ZPBP: variants seen among roughly 807,000 people sequenced by gnomAD.
The protein encoded by ZPBP is zona pellucida binding protein, also known as zona pellucida-binding protein 1.
ZPBP carries 26 observed loss-of-function variants against 44.8 expected under a neutral mutation model. That is an observed-to-expected ratio of 0.58 (90% CI 0.43 to 0.81). ZPBP has a LOEUF of 0.81. Ranked by LOEUF, ZPBP falls within the 30% of genes least tolerant of loss-of-function variation. The probability of loss-of-function intolerance (pLI) is 0.00; values close to 1 mark genes in which losing one functional copy is unlikely to be tolerated. For synonymous variants in ZPBP, 174 were observed against 153.2 expected (o/e 1.14, Z -1.00); for missense variants, 409 against 434.0 (o/e 0.94, Z 0.51).
At chr7:49,893,684 T>C (rs187555567) in intron 2 of ZPBP, among the ~76,000 whole-genome samples, 33 of 151,406 alleles carry the variant, frequency 2.2e-4, no homozygotes, top group Non-Finnish European at 4.4e-5. Flanking sequence ...GAAACTAAAA[T>C]ATGTCAGGTA....
rs1482220949 is a variant in ZPBP at position 50,093,136 on chromosome 7, C to T, written c.59G>A (p.Gly20Asp). Residue 20 changes from glycine to aspartate, a missense_variant, in exon 1 of 8, where the codon GGC (glycine) becomes GAC (aspartate). By Grantham distance (94) the Gly-to-Asp change is moderately conservative (BLOSUM62 -1). Transcript: ENST00000046087. ...RRGRRRTRAA[G>D]SLLSRAAILL... is the part of the protein sequence containing the mutation. ...GATGGCGGCCCGAGAGAGCAGGGAG[C>T]CGGCGGCCCGGGTCCGCCGCCTGCC... 3.9e-6 allele frequency: 6 copies of T among 1,554,134 alleles called. No individual in the cohort carries two copies. Among genetic ancestry groups the T allele is most frequent in the African/African-American group, 1.4e-5 (1 of 72,416 alleles).
At chr7:50,017,858 G>A (rs780182617) in intron 6 of ZPBP, among the ~76,000 whole-genome samples, 3 of 151,978 alleles carry the variant, frequency 2.0e-5, no homozygotes, top group Admixed American at 1.3e-4. Context: ...ACAGGATGCC[G>A]GGTATGGAGC....
intron 7 of ZPBP, among the ~76,000 whole-genome samples, chr7:49,955,383 C>T (rs1023937416): frequency 1.4e-4 from 21 of 151,886 alleles, no homozygotes; most frequent in Non-Finnish European, 2.4e-4. Flanking sequence ...ACGATGAAAC[C>T]CCATCTCTAC....
At chr7:50,027,698 T>C (rs1181586854) in intron 5 of ZPBP, among the ~76,000 whole-genome samples, 1 of 151,706 alleles carries the variant, frequency 6.6e-6, no homozygotes, top group African/African-American at 2.4e-5. Context: ...GCAATAAAAT[T>C]GACAAACATT....
At chr7:49,942,743 C>G in intron 7 of ZPBP, 1 of 153,572 alleles carries the variant, frequency 6.5e-6, no homozygotes, top group Non-Finnish European at 1.5e-5. Context: ...AATAGAAAAG[C>G]TCTCAAGCTC....
intron 7 of ZPBP, among the ~76,000 whole-genome samples, chr7:49,981,436 TA>T (rs1796919903): frequency 4.0e-5 from 2 of 50,168 alleles, no homozygotes; most frequent in Admixed American, 6.9e-4. Context: ...AAAATATATA[TA>T]ATATATATTA....
chr7:49,874,454 C>A (rs1244227561), intron 2 of ZPBP, among the ~76,000 whole-genome samples: 1 of 151,664 alleles, frequency 6.6e-6, no homozygotes, highest in African/African-American at 2.4e-5. Flanking sequence ...TAGGTCTGTG[C>A]AAGTGCACCC....
downstream of ZPBP, among the ~76,000 whole-genome samples, chr7:49,934,053 T>TAA (rs11461329): frequency 0.032 from 4,597 of 142,854 alleles, 210 homozygotes; most frequent in African/African-American, 0.095. Flanking sequence ...AAAGTATAAT[T>TAA]AAAAAAAAAA....
intron 2 of ZPBP, among the ~76,000 whole-genome samples, chr7:49,872,127 A>G (rs989695527): frequency 3.9e-5 from 6 of 152,208 alleles, no homozygotes; most frequent in African/African-American, 1.4e-4. Flanking sequence ...TAACATATGG[A>G]AAGCAATTAA....
chr7:50,093,127 A>C lies in ZPBP; in HGVS notation c.68T>G (p.Leu23Arg), dbSNP rs559618813. 106 of 1,570,324 alleles carry C rather than the reference A, an allele frequency of 6.8e-5. No individual in the cohort carries two copies. In the East Asian group the frequency reaches 2.5e-3, roughly 37 times the overall value. The change falls in exon 1 of 8, where the codon CTC becomes CGC. Residue 23 changes from leucine to arginine, a missense_variant. This residue lies in a region of ZPBP where 367 missense variants were observed against 363.1 expected (regional missense o/e 1.01). Transcript: ENST00000046087. Reference sequence around the variant, plus strand: ...AAAGAGGAGGATGGCGGCCCGAGAGAGCAGGGAGCCGGCGGCCCGGGTCCG... The same window carrying C: ...AAAGAGGAGGATGGCGGCCCGAGAGCGCAGGGAGCCGGCGGCCCGGGTCCG... ...RRRTRAAGSL[L>R]SRAAILLFIS...
intron 3 of ZPBP, among the ~76,000 whole-genome samples, chr7:50,066,166 A>G (rs1350323106): frequency 6.6e-6 from 1 of 150,798 alleles, no homozygotes; most frequent in African/African-American, 2.5e-5. Flanking sequence ...TTTTAGGATT[A>G]TGAACATATG....
downstream of ZPBP, among the ~76,000 whole-genome samples, chr7:49,849,102 A>G (rs939769262): frequency 1.3e-5 from 2 of 152,038 alleles, no homozygotes; most frequent in African/African-American, 4.8e-5. Flanking sequence ...ACTGTACTGT[A>G]TTTCTTATTT....
intron 1 of ZPBP, among the ~76,000 whole-genome samples, chr7:49,931,523 C>T (rs556623523): frequency 6.6e-6 from 1 of 152,286 alleles, no homozygotes; most frequent in Non-Finnish European, 1.5e-5. Flanking sequence ...CCCTAGAGAT[C>T]TGTGGAACTT....
intron 6 of ZPBP, among the ~76,000 whole-genome samples, chr7:49,995,786 A>G (rs896693795): frequency 6.6e-6 from 1 of 152,178 alleles, no homozygotes; most frequent in African/African-American, 2.4e-5. Context: ...GACAAATATC[A>G]TATGTTCTCA....
intron 7 of ZPBP, among the ~76,000 whole-genome samples, chr7:49,981,300 T>G: frequency 1.6e-5 from 1 of 61,472 alleles, no homozygotes; most frequent in Non-Finnish European, 3.3e-5. Flanking sequence ...ATATATATTA[T>G]ATATAATTAT....
At chr7:49,920,225 C>CA (rs1381105498) in intron 1 of ZPBP, 3 of 151,990 alleles carry the variant, frequency 2.0e-5, no homozygotes, top group Non-Finnish European at 2.9e-5. Context: ...CTAAAAAACT[C>CA]AAACATTTTA....
intron 1 of ZPBP, among the ~76,000 whole-genome samples, chr7:50,092,279 C>T (rs1803032596): frequency 6.6e-6 from 1 of 152,150 alleles, no homozygotes; most frequent in Admixed American, 6.5e-5. Context: ...TCTTTGGATT[C>T]CTGATGCCTG....
chr7:49,906,650 T>G (rs1793111623), intron 1 of ZPBP, among the ~76,000 whole-genome samples: 1 of 152,228 alleles, frequency 6.6e-6, no homozygotes, highest in Non-Finnish European at 1.5e-5. Flanking sequence ...GTCAAAAATT[T>G]AATAAATCAT....
intron 1 of ZPBP, among the ~76,000 whole-genome samples, chr7:49,924,138 A>G (rs189965092): frequency 8.0e-5 from 12 of 149,304 alleles, no homozygotes; most frequent in African/African-American, 3.0e-4. Context: ...ATAATAATAA[A>G]TAATAATAAT....
Sources: gnomAD v4.1 joint callset for allele counts (sites outside exome capture counted in the v4.1 genomes callset) on GRCh38, gnomAD v4.1.1 for gene constraint, gnomAD v4.1.1 regional missense constraint, MANE v1.5 for transcripts, NCBI Gene and HGNC (gene_info 2026-07-23, HGNC 2026-07-21) for gene names.